VEZT: variants seen among roughly 807,000 people sequenced by gnomAD.
VEZT encodes the protein vezatin, adherens junctions transmembrane protein.
A neutral mutation model predicts 79.9 loss-of-function variants in VEZT; 39 were observed. The ratio of observed to expected loss-of-function variants is 0.49; its 90% CI spans 0.38 to 0.64. The LOEUF (loss-of-function observed/expected upper bound fraction) is 0.64. Ranked by LOEUF, VEZT falls within the 30% of genes least tolerant of loss-of-function variation. VEZT has a pLI of 0.00. For missense variants in VEZT, 837 were observed against 893.1 expected, an observed-to-expected ratio of 0.94 and a Z score of 0.80; for synonymous variants, 325 against 327.6, an observed-to-expected ratio of 0.99 and a Z score of 0.09.
intron 1 of VEZT, 64 bp downstream of exon 1, chr12:95,217,950 G>A (rs1431113526): frequency 7.0e-7 from 1 of 1,429,436 alleles, no homozygotes; most frequent in East Asian, 2.8e-5. Flanking sequence ...CGGAAATCGA[G>A]GAAGCAAGGC....
intron 2 of VEZT, 48 bp downstream of exon 2, chr12:95,252,119 C>T (rs199826172): frequency 6.4e-7 from 1 of 1,569,630 alleles, no homozygotes; most frequent in Admixed American, 1.9e-5. Context: ...TGCACTTTAC[C>T]TTACTGGCTA....
chr12:95,266,942 G>A (rs17272011), intron 5 of VEZT, among the ~76,000 whole-genome samples: 17,211 of 152,124 alleles, frequency 0.11, 1,273 homozygotes, highest in East Asian at 0.16. Context: ...TGAACCTAAC[G>A]TGCAGTAGTT....
intron 1 of VEZT, among the ~76,000 whole-genome samples, chr12:95,225,473 C>T (rs918580761): frequency 4.6e-5 from 7 of 152,004 alleles, no homozygotes; most frequent in Non-Finnish European, 7.4e-5. Flanking sequence ...AGGAGAATGG[C>T]GTAAACCCAG....
At chr12:95,270,305 A>G (rs1292434787) in intron 6 of VEZT, 117 bp downstream of exon 6, 1 of 1,039,400 alleles carries the variant, frequency 9.6e-7, no homozygotes, top group African/African-American at 1.7e-5. Context: ...TTTTGAAGCT[A>G]ATTTCCATCA....
chr12:95,245,759 C>T (rs1011595601), intron 1 of VEZT, among the ~76,000 whole-genome samples: 1 of 152,190 alleles, frequency 6.6e-6, no homozygotes, highest in Non-Finnish European at 1.5e-5. Flanking sequence ...GCAGGAGGAT[C>T]CCTTGAGGCC....
Position 95,266,472 on chromosome 12 carries a change from G to A in VEZT, c.550G>A (p.Ala184Thr). 6.2e-7 allele frequency: 1 copy of A among 1,613,850 alleles called. No homozygotes were observed. Among genetic ancestry groups the A allele is most frequent in the Non-Finnish European group, 8.5e-7 (1 of 1,179,858 alleles). The change falls in exon 5 of 12, where the codon GCT becomes ACT. Residue 184 changes from alanine to threonine, a missense_variant. By Grantham distance (58) the Ala-to-Thr change is moderately conservative. Transcript: ENST00000436874. ...VILFVYLVIR[A>T]LRLWRTAKLQ... ...TCTATTTGTGTATCTGGTCATAAGA[G>A]CTTTGAGATTATGGAGGACAGCCAA... is the stretch of plus-strand genomic sequence containing the variant.
At chr12:95,231,979 T>A (rs1383252250) in intron 1 of VEZT, among the ~76,000 whole-genome samples, 3 of 152,188 alleles carry the variant, frequency 2.0e-5, no homozygotes, top group African/African-American at 7.2e-5. Context: ...CTGCCTTTTA[T>A]AATTTGTTAA....
At chr12:95,275,848 C>T (rs1184655931) in intron 7 of VEZT, 4 of 151,964 alleles carry the variant, frequency 2.6e-5, no homozygotes, top group Non-Finnish European at 4.4e-5. Context: ...TCTTCACTCC[C>T]GCTGCTTCAT....
At chr12:95,289,088 AAAAAT>A (rs1245732502) in intron 9 of VEZT, among the ~76,000 whole-genome samples, 6 of 139,284 alleles carry the variant, frequency 4.3e-5, no homozygotes, top group Non-Finnish European at 9.1e-5. Flanking sequence ...TCTCAAAAAA[AAAAAT>A]AAATAAATAA....
chr12:95,258,322 G>T, intron 3 of VEZT: 1 of 455,236 alleles, frequency 2.2e-6, no homozygotes, highest in Non-Finnish European at 4.4e-6. Context: ...CTGTGATTTA[G>T]TCATAGTCTG....
chr12:95,261,476 A>G (rs1198116445), intron 3 of VEZT, among the ~76,000 whole-genome samples: 11 of 152,156 alleles, frequency 7.2e-5, no homozygotes. Context: ...CAGTGGCACA[A>G]TCTCGGCTCA....
chr12:95,298,227 T>C (rs914880819), intron 11 of VEZT, among the ~76,000 whole-genome samples: 2 of 152,106 alleles, frequency 1.3e-5, no homozygotes, highest in East Asian at 3.8e-4. Flanking sequence ...TCCTTCTCCA[T>C]GAATCCTTCT....
At chr12:95,239,033 A>G (rs2060541147) in intron 1 of VEZT, among the ~76,000 whole-genome samples, 1 of 152,214 alleles carries the variant, frequency 6.6e-6, no homozygotes. Flanking sequence ...CCATTTGTAT[A>G]GAAATTTTGA....
intron 9 of VEZT, among the ~76,000 whole-genome samples, chr12:95,288,373 A>C (rs1231581370): frequency 1.3e-5 from 2 of 152,080 alleles, no homozygotes; most frequent in Non-Finnish European, 2.9e-5. Context: ...TAGGTAAAAA[A>C]ATATATATAT....
At chr12:95,250,900 G>C (rs2062484085) in intron 1 of VEZT, among the ~76,000 whole-genome samples, 1 of 152,120 alleles carries the variant, frequency 6.6e-6, no homozygotes, top group Non-Finnish European at 1.5e-5. Flanking sequence ...TATGAACTAA[G>C]TGCTATTACT....
chr12:95,276,800 T>G (rs1048074572), intron 7 of VEZT, among the ~76,000 whole-genome samples: 8 of 152,170 alleles, frequency 5.3e-5, no homozygotes, highest in Non-Finnish European at 1.2e-4. Flanking sequence ...CTAATAATCT[T>G]GTTTGTTTTC....
At chr12:95,294,566 A>G (rs999152148) in intron 10 of VEZT, among the ~76,000 whole-genome samples, 194 bp downstream of exon 10, 2 of 152,208 alleles carry the variant, frequency 1.3e-5, no homozygotes, top group African/African-American at 2.4e-5. Context: ...GTGGCTTTCA[A>G]AAGTGATTAA....
At chr12:95,289,561 G>A (rs1282799210) in intron 9 of VEZT, among the ~76,000 whole-genome samples, 1 of 151,970 alleles carries the variant, frequency 6.6e-6, no homozygotes, top group Non-Finnish European at 1.5e-5. Context: ...CATTGGGTAG[G>A]TAATTAAGAT....
In VEZT at chr12:95,257,222, G is replaced by T; in HGVS notation, c.241G>T (p.Asp81Tyr). ...TTTTTCTCAGTGCAATAAGAAAGAT[G>T]ACTTACTTCACAAGTTGGTAAGTGG... ...IFFSQCNKKD[D>Y]LLHKLDIGFR... The change falls in exon 3 of 12, where the codon GAC becomes TAC. Residue 81 changes from aspartate to tyrosine, a missense_variant. Coordinates refer to ENST00000436874, the MANE Select transcript of VEZT (RefSeq NM_017599.4). 1 of 1,609,122 alleles carries T rather than the reference G, an allele frequency of 6.2e-7. No individual in the cohort carries two copies. The highest frequency in any genetic ancestry group is 1.1e-5 in the South Asian group (1 of 89,978).
Sources: gnomAD v4.1 joint callset for allele counts (sites outside exome capture counted in the v4.1 genomes callset) on GRCh38, gnomAD v4.1.1 for gene constraint, MANE v1.5 for transcripts, NCBI Gene and HGNC (gene_info 2026-07-23, HGNC 2026-07-21) for gene names.